The following EML6 variants were observed in gnomAD, a reference collection of about 807,000 sequenced individuals.
EML6 encodes the protein echinoderm microtubule-associated protein-like 6.
EML6 carries 154 observed loss-of-function variants against 240.1 expected under a neutral mutation model. That is an observed-to-expected ratio of 0.64 (90% confidence interval 0.56 to 0.73). The LOEUF is 0.73. Among genes scored for constraint, EML6 ranks in the 30% least tolerant of loss-of-function variants. The pLI is 0.00. For synonymous variants in EML6, 1,148 were observed against 899.0 expected (o/e 1.28, Z -4.95); for missense variants, 2,964 against 2,474.6 (o/e 1.20, Z -4.20).
Position 54,850,436 on chromosome 2 carries a change from C to G in EML6, c.1444+218C>G, listed in dbSNP as rs13020090. The G allele has an allele frequency of 0.096, 50,126 of 521,594 alleles. 2,977 individuals are homozygous for G. Among genetic ancestry groups the G allele is most frequent in the East Asian group, 0.23 (7,578 of 32,418 alleles). The allele number at this position is 521,594 out of a possible 1,614,324, so 32.3% of individuals were successfully genotyped here. A position where few individuals can be genotyped will look rare whatever the true frequency, so the allele number is the denominator to read the frequency against. ...AAGGTATGAGTTGGAACATGTTAAA[C>G]TAAAAGTTGCTGCACAACAAGGGAG... is the stretch of plus-strand genomic sequence containing the variant. On this transcript the variant is annotated intron_variant, in intron 10 of 41. Coordinates refer to ENST00000356458, the MANE Select transcript of EML6 (RefSeq NM_001039753.4).
In EML6 at chr2:54,971,373, G is replaced by A. The variant is rs1380065498; in HGVS notation, c.*1278G>A. ...ATGTGGCTGACAGTGCTCACTGAAA[G>A]GAGAGTTGGTGCGGGACTGGTGGTT... On this transcript the variant is annotated 3_prime_UTR_variant, in exon 42 of 42. Transcript: ENST00000356458. The A allele has an allele frequency of 6.6e-6, 1 of 152,246 alleles. No homozygotes were observed. The highest frequency in any genetic ancestry group is 1.5e-5 in the Non-Finnish European group (1 of 68,050). 9.4% of individuals were successfully genotyped at this position (152,246 alleles called of 1,614,324 possible).
chr2:54,917,489 G>A (rs753942937), intron 26 of EML6, among the ~76,000 whole-genome samples: 5 of 150,992 alleles, frequency 3.3e-5, no homozygotes, highest in African/African-American at 1.2e-4. Context: ...TCAGCCTCCC[G>A]AGTAGCTGGA....
At chr2:54,855,466 C>T (rs532154497) in intron 11 of EML6, among the ~76,000 whole-genome samples, 11 of 141,156 alleles carry the variant, frequency 7.8e-5, no homozygotes, top group Non-Finnish European at 1.4e-4. Context: ...ATGCCCCCCC[C>T]CCGCCCTCTA....
chr2:54,861,589 C>T (rs1482739510), intron 12 of EML6, among the ~76,000 whole-genome samples: 1 of 152,068 alleles, frequency 6.6e-6, no homozygotes, highest in East Asian at 1.9e-4. Context: ...TGTCTTCCCC[C>T]CTTTACAGTC....
intron 28 of EML6, 79 bp downstream of exon 28, chr2:54,928,830 G>T: frequency 6.6e-7 from 1 of 1,510,190 alleles, no homozygotes; most frequent in African/African-American, 1.4e-5. Flanking sequence ...CGTTTTCTTT[G>T]CCCTCAAAGT....
chr2:54,765,078 G>C (rs546526198), intron 2 of EML6, among the ~76,000 whole-genome samples: 2 of 150,926 alleles, frequency 1.3e-5, no homozygotes, highest in African/African-American at 4.9e-5. Flanking sequence ...CCACTTTCTC[G>C]TAATAATATA....
intron 38 of EML6, among the ~76,000 whole-genome samples, chr2:54,965,848 G>A (rs1288988118): frequency 6.6e-6 from 1 of 152,214 alleles, no homozygotes; most frequent in East Asian, 1.9e-4. Context: ...CTAATCTTTT[G>A]GCTAATGTTA....
At chr2:54,837,403 G>A (rs1038619080) in intron 7 of EML6, among the ~76,000 whole-genome samples, 6 of 152,164 alleles carry the variant, frequency 3.9e-5, no homozygotes, top group African/African-American at 1.2e-4. Context: ...TAGCCCCGTT[G>A]AGGGCCTGGC....
intron 28 of EML6, among the ~76,000 whole-genome samples, chr2:54,948,371 C>CTAGG (rs1343260887): frequency 1.3e-5 from 2 of 152,140 alleles, no homozygotes; most frequent in African/African-American, 4.8e-5. Context: ...TGAGGCCGAC[C>CTAGG]TAGGCACTTG....
Position 54,914,078 on chromosome 2 carries a change from G to A in EML6, c.3499-2681G>A, listed in dbSNP as rs1673778608. ...GCCTTGTAGTATACTTTGAAGTCCA[G>A]TAATACGATACCTCTGGCTTTGTTC... On this transcript the variant is annotated intron_variant, in intron 25 of 41. Transcript: ENST00000356458. Among the ~76,000 whole-genome samples, 5 of 152,300 alleles carry A rather than the reference G, an allele frequency of 3.3e-5. No individual in the cohort carries two copies. In the South Asian group the frequency reaches 1.0e-3, roughly 32 times the overall value.
chr2:54,851,735 C>G (rs953794272), intron 10 of EML6, among the ~76,000 whole-genome samples: 2 of 152,090 alleles, frequency 1.3e-5, no homozygotes, highest in African/African-American at 2.4e-5. Context: ...TTTCATTGTT[C>G]ATTAATGTGT....
intron 18 of EML6, among the ~76,000 whole-genome samples, chr2:54,892,009 A>T (rs1672494384): frequency 1.3e-5 from 2 of 152,192 alleles, no homozygotes; most frequent in Admixed American, 1.3e-4. Context: ...TTTTACATTT[A>T]CAGTCAGTAC....
At position 54,968,072 on chromosome 2, in the gene EML6, C is replaced by G. The variant is rs1676826513; in HGVS notation, c.5598-56C>G. 4 of 1,515,558 alleles carry G rather than the reference C, an allele frequency of 2.6e-6. No individual in the cohort carries two copies. In the South Asian group the frequency reaches 4.8e-5, roughly 18 times the overall value. 93.9% of individuals were successfully genotyped at this position (1,515,558 alleles called of 1,614,324 possible). A position where few individuals can be genotyped will look rare whatever the true frequency, so the allele number is the denominator to read the frequency against. The stretch of plus-strand genomic sequence containing the variant: ...ATCCCTGGGAGGTGATGACTGACTG[C>G]AAGGAGCCTTCGCCGTGACTTCCTT... On this transcript the variant is annotated intron_variant, in intron 39 of 41. Transcript: ENST00000356458.
intron 2 of EML6, among the ~76,000 whole-genome samples, chr2:54,798,271 C>G (rs1433220795): frequency 1.3e-5 from 2 of 152,152 alleles, no homozygotes; most frequent in African/African-American, 2.4e-5. Context: ...CTCCCGGGTT[C>G]AAGTGCTTCT....
At chr2:54,906,379 G>A (rs1469772773) in intron 24 of EML6, among the ~76,000 whole-genome samples, 1 of 152,182 alleles carries the variant, frequency 6.6e-6, no homozygotes, top group Non-Finnish European at 1.5e-5. Flanking sequence ...AGGATCAGGG[G>A]GATGCTGCTG....
intron 2 of EML6, among the ~76,000 whole-genome samples, chr2:54,790,778 T>C (rs1328438855): frequency 6.9e-6 from 1 of 145,136 alleles, no homozygotes; most frequent in Non-Finnish European, 1.5e-5. Context: ...CAGGCTGGAG[T>C]GCAGTGGCGC....
At chr2:54,952,493 C>T in intron 30 of EML6, 101 bp from the exon 31 acceptor site, 2 of 676,526 alleles carry the variant, frequency 3.0e-6, no homozygotes, top group Non-Finnish European at 4.9e-6. Context: ...TAAGCTCTCA[C>T]TTTTATAAGA....
intron 4 of EML6, among the ~76,000 whole-genome samples, chr2:54,819,390 T>C (rs916151064): frequency 6.6e-6 from 1 of 152,162 alleles, no homozygotes; most frequent in Non-Finnish European, 1.5e-5. Context: ...AAGCAATTGC[T>C]ATGGGCAATT....
chr2:54,956,609 C>A (rs1027569707), intron 32 of EML6, among the ~76,000 whole-genome samples: 4 of 146,084 alleles, frequency 2.7e-5, no homozygotes, highest in Admixed American at 2.1e-4. Context: ...GAGAGAATTA[C>A]AGCTGGGAGA....
Sources: allele counts gnomAD v4.1 joint callset (sites outside exome capture counted in the v4.1 genomes callset), GRCh38; gene constraint gnomAD v4.1.1; transcripts MANE v1.5; gene names NCBI Gene and HGNC (gene_info 2026-07-23, HGNC 2026-07-21).